The following LRIG1 variants were observed in gnomAD, a reference collection of about 807,000 sequenced individuals.
LRIG1 encodes the protein leucine rich repeats and immunoglobulin like domains 1, also known as leucine-rich repeats and immunoglobulin-like domains protein 1.
A neutral mutation model predicts 99.2 loss-of-function variants in LRIG1; 48 were observed. That is an observed-to-expected ratio of 0.48 (90% CI 0.38 to 0.62). The LOEUF (loss-of-function observed/expected upper bound fraction) is 0.62, where lower values mean the gene tolerates loss of function less well. Ranked by LOEUF, LRIG1 falls within the 20% of genes least tolerant of loss-of-function variation. The pLI is 0.00. For missense variants in LRIG1, 1,646 were observed against 1,434.4 expected, an observed-to-expected ratio of 1.15 and a Z score of -2.38; for synonymous variants, 772 against 596.1, an observed-to-expected ratio of 1.29 and a Z score of -4.30.
rs546493920 is a variant in LRIG1, at chr3:66,479,825, GA to G, written c.219-17317del. Among the ~76,000 whole-genome samples, 8 of 152,320 alleles carry G rather than the reference GA, an allele frequency of 5.3e-5. No individual in the cohort carries two copies. The East Asian group carries it at 1.5e-3, about 29-fold the overall frequency. ...TGCTGGTGAGGTAGTGCAGAAATGG[GA>G]ACCTTCATACCCTGCTGGTGGATGT... On this transcript the variant is annotated intron_variant, in intron 1 of 18. Transcript: ENST00000273261.
In LRIG1 at chr3:66,411,051, G is replaced by A. The variant is rs370193313; in HGVS notation, c.792-779C>T. Among the ~76,000 whole-genome samples, 73 of 152,328 alleles carry A rather than the reference G, an allele frequency of 4.8e-4. No homozygotes were observed. In the South Asian group the frequency reaches 0.014, roughly 30 times the overall value. On this transcript the variant is annotated intron_variant, in intron 6 of 18. Coordinates refer to ENST00000273261, the MANE Select transcript of LRIG1 (RefSeq NM_015541.3). ...TAACATGGAGATATCCAAGAGCACT[G>A]ACTCCATGGGGTCACTATAAGAAGG...
chr3:66,385,927 C>A, intron 13 of LRIG1, 54 bp downstream of exon 13: 1 of 1,498,892 alleles, frequency 6.7e-7, no homozygotes. Flanking sequence ...AAAGGGCAAT[C>A]AGGAGTGTGC....
Position 66,412,915 on chromosome 3 carries a change from T to C in LRIG1, c.747A>G (p.Lys249=). ...VLKLQRNNIS[K]LTDGAFWGLS... is the part of the protein sequence containing the mutation. ...GTCCCCAGAAGGCCCCATCTGTCAG[T>C]TTGCTGATGTTGTTTCGCTGAAGCT... The change falls in exon 6 of 19, where the codon AAA becomes AAG. Residue 249 remains lysine (K), a synonymous_variant. Transcript: ENST00000273261. The C allele has an allele frequency of 6.2e-7, 1 of 1,614,166 alleles. No homozygotes were observed. The highest frequency in any genetic ancestry group is 8.5e-7 in the Non-Finnish European group (1 of 1,180,010).
chr3:66,390,790 C>T (rs144884166), intron 12 of LRIG1, among the ~76,000 whole-genome samples: 3 of 152,068 alleles, frequency 2.0e-5, no homozygotes, highest in African/African-American at 7.2e-5. Flanking sequence ...CAAAAGCATA[C>T]GTAATAAAAG....
At chr3:66,405,651 C>T in intron 8 of LRIG1, 1 of 978,186 alleles carries the variant, frequency 1.0e-6, no homozygotes, top group Non-Finnish European at 1.3e-6. Flanking sequence ...CGTCTGCTCT[C>T]ATACCAACCA....
chr3:66,452,423 G>GT (rs1372722687), intron 2 of LRIG1, among the ~76,000 whole-genome samples: 1 of 152,206 alleles, frequency 6.6e-6, no homozygotes, highest in Non-Finnish European at 1.5e-5. Flanking sequence ...ACATGGACAT[G>GT]TATTTCCAAA....
chr3:66,479,094 C>T (rs757355639), intron 1 of LRIG1, among the ~76,000 whole-genome samples: 2 of 152,246 alleles, frequency 1.3e-5, no homozygotes, highest in Non-Finnish European at 2.9e-5. Flanking sequence ...AAGCACTTCA[C>T]ACCTCCCTAT....
intron 2 of LRIG1, among the ~76,000 whole-genome samples, chr3:66,460,180 G>A (rs1343823505): frequency 6.6e-6 from 1 of 152,196 alleles, no homozygotes; most frequent in African/African-American, 2.4e-5. Context: ...CAGAGGAGAT[G>A]CTCGAGTAAG....
chr3:66,385,716 T>G (rs1317360566), intron 13 of LRIG1, among the ~76,000 whole-genome samples: 2 of 152,196 alleles, frequency 1.3e-5, no homozygotes, highest in African/African-American at 4.8e-5. Context: ...GTCTCCCAAC[T>G]GCTGGGATTA....
chr3:66,487,104 T>C (rs571956650), intron 1 of LRIG1, among the ~76,000 whole-genome samples: 1 of 152,238 alleles, frequency 6.6e-6, no homozygotes, highest in East Asian at 1.9e-4. Flanking sequence ...AAGCAGAAAG[T>C]AGAAAATAAG....
chr3:66,488,937 A>G (rs1395424944), intron 1 of LRIG1, among the ~76,000 whole-genome samples: 1 of 152,246 alleles, frequency 6.6e-6, no homozygotes, highest in Non-Finnish European at 1.5e-5. Flanking sequence ...CCCTTTGGGA[A>G]AACATGCCTG....
chr3:66,497,561 T>C (rs1701254985), intron 1 of LRIG1, among the ~76,000 whole-genome samples: 1 of 152,114 alleles, frequency 6.6e-6, no homozygotes, highest in East Asian at 1.9e-4. Flanking sequence ...TGCTGAAAAG[T>C]TATCCTCAGG....
At chr3:66,474,171 TAGC>T (rs1401295598) in intron 1 of LRIG1, among the ~76,000 whole-genome samples, 2 of 152,098 alleles carry the variant, frequency 1.3e-5, no homozygotes, top group African/African-American at 2.4e-5. Flanking sequence ...AAGCAGAAAA[TAGC>T]AGATGCTGCA....
intron 1 of LRIG1, among the ~76,000 whole-genome samples, chr3:66,484,483 C>T (rs142033116): frequency 3.3e-5 from 5 of 152,248 alleles, no homozygotes; most frequent in African/African-American, 9.6e-5. Context: ...TTAAAGGGAA[C>T]GTCAGCCATG....
rs532087296 is a variant in LRIG1, at chr3:66,479,051, C to A, written c.219-16542G>T. On this transcript the variant is annotated intron_variant, in intron 1 of 18. Transcript: ENST00000273261. ...ACCCTGCAGCCGCCCAAGTTCAATA[C>A]GTCCTCCCTTCCCCCAGCTTCTGGT... 9.8e-4 allele frequency among the ~76,000 whole-genome samples: 150 copies of A among 152,300 alleles called. 1 individual carries two copies. Among genetic ancestry groups the A allele is most frequent in the Non-Finnish European group, 1.8e-3 (122 of 68,038 alleles).
intron 3 of LRIG1, among the ~76,000 whole-genome samples, chr3:66,431,697 G>GA (rs1338137235): frequency 1.3e-5 from 2 of 152,142 alleles, no homozygotes; most frequent in African/African-American, 2.4e-5. Context: ...ACTAGGACCT[G>GA]AAAAAATGGA....
chr3:66,389,368 A>C (rs1261436224), intron 12 of LRIG1, among the ~76,000 whole-genome samples: 1 of 152,188 alleles, frequency 6.6e-6, no homozygotes, highest in Non-Finnish European at 1.5e-5. Flanking sequence ...CTACCTTATT[A>C]GTAAATGCAT....
At chr3:66,391,260 T>C (rs1409250608) in intron 12 of LRIG1, among the ~76,000 whole-genome samples, 2 of 152,116 alleles carry the variant, frequency 1.3e-5, no homozygotes, top group Admixed American at 1.3e-4. Context: ...TGGCAGTCCC[T>C]CAAAAAAGCT....
At chr3:66,479,924 T>C (rs1056050555) in intron 1 of LRIG1, among the ~76,000 whole-genome samples, 1 of 152,212 alleles carries the variant, frequency 6.6e-6, no homozygotes, top group African/African-American at 2.4e-5. Context: ...AGAATTGCCA[T>C]ATGACCCAGT....
Sources: allele counts gnomAD v4.1 joint callset (sites outside exome capture counted in the v4.1 genomes callset), GRCh38; gene constraint gnomAD v4.1.1; transcripts MANE v1.5; gene names NCBI Gene and HGNC (gene_info 2026-07-23, HGNC 2026-07-21).